Variants in KCNQ2 observed in about 807,000 individuals in gnomAD.
The protein encoded by KCNQ2 is potassium voltage-gated channel subfamily KQT member 2.
KCNQ2 carries 14 observed loss-of-function variants against 84.8 expected under a neutral mutation model. That is an observed-to-expected ratio of 0.17 (90% CI 0.11 to 0.26). KCNQ2 has a LOEUF of 0.26. KCNQ2 is among the 10% of genes least tolerant of loss of function. The pLI, the probability that KCNQ2 is intolerant of heterozygous loss-of-function variation, is 1.00. For synonymous variants in KCNQ2, 599 were observed against 554.1 expected (o/e 1.08, Z -1.14); for missense variants, 788 against 1,254.0 (o/e 0.63, Z 5.61).
intron 15 of KCNQ2, among the ~76,000 whole-genome samples, chr20:63,409,748 G>C (rs2080059156): frequency 6.6e-6 from 1 of 151,834 alleles, no homozygotes; most frequent in Non-Finnish European, 1.5e-5. Context: ...TCTGATGGTG[G>C]GGGAGGGACT....
Position 63,460,602 on chromosome 20 carries a change from C to T in KCNQ2, c.296+11566G>A, listed in dbSNP as rs568342965. ...GCCTCCACTTGCACACCTCCGGCGA[C>T]GGAGGGCTCACCCCACAGAAAGAAT... is the stretch of plus-strand genomic sequence containing the variant. On this transcript the variant is annotated intron_variant, in intron 1 of 16. Coordinates refer to ENST00000359125, the MANE Select transcript of KCNQ2 (RefSeq NM_172107.4). The surrounding 1 kb of genome is among the most constrained non-coding windows in gnomAD (Gnocchi z 5.4). Among the ~76,000 whole-genome samples the T allele has an allele frequency of 2.0e-4, 30 of 152,320 alleles. No homozygotes were observed. The highest frequency in any genetic ancestry group is 7.0e-4 in the African/African-American group (29 of 41,566).
In KCNQ2 at chr20:63,435,390, C is replaced by CAAA. The variant is rs11471604; in HGVS notation, c.1024-1488_1024-1487insTTT. 4.7e-3 allele frequency among the ~76,000 whole-genome samples: 645 copies of CAAA among 136,194 alleles called. 21 individuals are homozygous for CAAA. The highest frequency in any genetic ancestry group is 6.7e-3 in the Non-Finnish European group (432 of 64,428). The allele number at this position is 136,194 out of a possible 152,430, so 89.3% of individuals were successfully genotyped here. ...GCAAGAGAGCAAGTCCCTATCTCAACAACAACAAAAAAAAAAAGTTGGCCA... is the reference window on the plus strand; with the variant it reads ...GCAAGAGAGCAAGTCCCTATCTCAACAAAAACAACAAAAAAAAAAAGTTGGCCA... On this transcript the variant is annotated intron_variant, in intron 7 of 16. Coordinates refer to ENST00000359125, the MANE Select transcript of KCNQ2 (RefSeq NM_172107.4).
At chr20:63,431,289 C>T (rs1372868304) in intron 9 of KCNQ2, 51 bp downstream of exon 9, 1 of 1,603,934 alleles carries the variant, frequency 6.2e-7, no homozygotes, top group South Asian at 1.1e-5. Flanking sequence ...GTTCCAGACA[C>T]AGAACTAGAA....
intron 1 of KCNQ2, among the ~76,000 whole-genome samples, chr20:63,466,994 C>A (rs556400938): frequency 6.6e-6 from 1 of 152,256 alleles, no homozygotes; most frequent in Non-Finnish European, 1.5e-5. Context: ...GACAAGATGT[C>A]GGACACAAGG....
chr20:63,467,704 C>A (rs2082116448), intron 1 of KCNQ2, among the ~76,000 whole-genome samples: 1 of 152,212 alleles, frequency 6.6e-6, no homozygotes, highest in Non-Finnish European at 1.5e-5. Context: ...TATGTTAAGC[C>A]ACTCTCCACC....
At chr20:63,442,818 TCACCATCACCATCACCACCAC>T (rs2081231877) in intron 4 of KCNQ2, among the ~76,000 whole-genome samples, 1 of 45,960 alleles carries the variant, frequency 2.2e-5, no homozygotes, top group Non-Finnish European at 4.5e-5. Context: ...ACCACCACCA[TCACCATCACCATCACCACCAC>T]CACCATCACC....
At chr20:63,427,720 A>T (rs1910395063) in intron 10 of KCNQ2, among the ~76,000 whole-genome samples, 1 of 152,122 alleles carries the variant, frequency 6.6e-6, no homozygotes, top group Non-Finnish European at 1.5e-5. Flanking sequence ...TCGTTGTTGG[A>T]CTCAGGGCCC....
chr20:63,413,506 C>T lies in KCNQ2; in HGVS notation c.1707G>A (p.Glu569=). The T allele has an allele frequency of 6.2e-7, 1 of 1,613,542 alleles. No individual in the cohort carries two copies. Among genetic ancestry groups the T allele is most frequent in the Non-Finnish European group, 8.5e-7 (1 of 1,180,018 alleles). ...LRPYDVMDVI[E]QYSAGHLDML... is the part of the protein sequence containing the mutation. ...TGTCCAGGTGGCCGGCTGAGTACTGCTCGATGACGTCCATCACGTCGTAGG... is the reference window on the plus strand; with the variant it reads ...TGTCCAGGTGGCCGGCTGAGTACTGTTCGATGACGTCCATCACGTCGTAGG... Residue 569 remains glutamate (E), a synonymous_variant, in exon 15 of 17, where the codon GAG becomes GAA. Transcript: ENST00000359125.
rs768389454 is a variant in KCNQ2 at position 63,419,673 on chromosome 20, CT to C, written c.1248-2del. On this transcript the variant is annotated splice_acceptor_variant, in intron 11 of 16. Coordinates refer to ENST00000359125, the MANE Select transcript of KCNQ2 (RefSeq NM_172107.4). LOFTEE classifies it high-confidence loss of function. ...GGGCCCTCTGCACGGGCTGCCTTTA[CT>C]GGAAATGAGGAGAGCACAGTTAGTC... 6.2e-7 allele frequency: 1 copy of C among 1,610,316 alleles called. No homozygotes were observed. The highest frequency in any genetic ancestry group is 8.5e-7 in the Non-Finnish European group (1 of 1,179,096).
Position 63,415,124 on chromosome 20 carries a change from T to C in KCNQ2, c.1304A>G (p.Gln435Arg), listed in dbSNP as rs2080247199. The C allele has an allele frequency of 6.3e-7, 1 of 1,587,158 alleles. No homozygotes were observed. The highest frequency in any genetic ancestry group is 1.1e-5 in the South Asian group (1 of 90,270). Residue 435 changes from glutamine to arginine, a missense_variant and splice_region_variant, in exon 13 of 17, where the codon CAG becomes CGG. Around this residue, in one of 8 missense-constraint regions of KCNQ2, gnomAD observed 202 missense variants for 239.4 expected, o/e 0.84. Coordinates refer to ENST00000359125, the MANE Select transcript of KCNQ2 (RefSeq NM_172107.4). ...LCGCCPGRSS[Q>R]KVSLKDRVFS... ...GACACGATCTTTCAAACTGACCTTC[T>C]GGCTGCTCCCACGGGAACCGACAGA... is the stretch of plus-strand genomic sequence containing the variant.
At position 63,472,505 on chromosome 20, in the gene KCNQ2, CG is replaced by C; in HGVS notation, c.-43del. Reference sequence around the variant, plus strand: ...CGCCCCGGGTCGGGCTCAGGCTCAGCGGGGGCGGAGCGCGGGGGGCGGCGCG... The same window carrying C: ...CGCCCCGGGTCGGGCTCAGGCTCAGCGGGGCGGAGCGCGGGGGGCGGCGCG... On this transcript the variant is annotated 5_prime_UTR_variant, in exon 1 of 17. The change abolishes the stop of an existing upstream ORF in the 5' untranslated region. Coordinates refer to ENST00000359125, the MANE Select transcript of KCNQ2 (RefSeq NM_172107.4). 7.2e-7 allele frequency: 1 copy of C among 1,389,772 alleles called. No individual in the cohort carries two copies. Among genetic ancestry groups the C allele is most frequent in the South Asian group, 1.6e-5 (1 of 62,354 alleles). 86.1% of individuals were successfully genotyped at this position (1,389,772 alleles called of 1,614,324 possible).
chr20:63,433,182 C>T (rs1302416118), intron 8 of KCNQ2, among the ~76,000 whole-genome samples: 1 of 152,234 alleles, frequency 6.6e-6, no homozygotes, highest in Non-Finnish European at 1.5e-5. Flanking sequence ...AGCCGCCCTC[C>T]GACCACACAG....
chr20:63,422,966 G>C (rs139487837), intron 11 of KCNQ2, among the ~76,000 whole-genome samples: 2 of 152,142 alleles, frequency 1.3e-5, no homozygotes, highest in South Asian at 2.1e-4. Context: ...TGCCCATTGT[G>C]GGGGGCACAG....
intron 14 of KCNQ2, 124 bp from the exon 15 acceptor site, chr20:63,413,705 G>GAGA: frequency 9.0e-7 from 1 of 1,105,810 alleles, no homozygotes; most frequent in Non-Finnish European, 1.4e-6. Context: ...CCTCTTGTCT[G>GAGA]CCGCCCACCA....
intron 4 of KCNQ2, among the ~76,000 whole-genome samples, 197 bp from the exon 5 acceptor site, chr20:63,442,728 TCACCACCTC>T (rs2081219114): frequency 5.8e-5 from 2 of 34,636 alleles, no homozygotes; most frequent in Admixed American, 3.1e-4. Flanking sequence ...ACCACCATCA[TCACCACCTC>T]CACCATCACC....
intron 1 of KCNQ2, chr20:63,461,134 G>C (rs1437107673): frequency 1.3e-5 from 2 of 152,234 alleles, no homozygotes; most frequent in South Asian, 2.1e-4. Context: ...TTTGCAGTCA[G>C]AAGAAAATAA....
At chr20:63,458,894 G>C (rs1017097548) in intron 1 of KCNQ2, 4 of 152,250 alleles carry the variant, frequency 2.6e-5, no homozygotes, top group African/African-American at 9.7e-5. Context: ...GTGTGGGTCT[G>C]GGGGGCTGAG....
chr20:63,449,973 T>G (rs1431895352), intron 1 of KCNQ2, among the ~76,000 whole-genome samples: 2 of 151,804 alleles, frequency 1.3e-5, no homozygotes. Flanking sequence ...GCACCATCAG[T>G]GCCATCACCA....
At chr20:63,439,379 C>T (rs2081092332) in intron 6 of KCNQ2, among the ~76,000 whole-genome samples, 1 of 152,224 alleles carries the variant, frequency 6.6e-6, no homozygotes, top group African/African-American at 2.4e-5. Flanking sequence ...CAGCCTTGGG[C>T]ATGCTCCTGT....
Sources: gnomAD v4.1 joint callset for allele counts (sites outside exome capture counted in the v4.1 genomes callset) on GRCh38, gnomAD v4.1.1 for gene constraint, gnomAD v4.1.1 regional missense constraint, Gnocchi (gnomAD v3.1) non-coding constraint, MANE v1.5 for transcripts, NCBI Gene and HGNC (gene_info 2026-07-23, HGNC 2026-07-21) for gene names.